Variants in RGS6 observed in about 807,000 individuals in gnomAD.
RGS6 encodes regulator of G protein signaling 6.
Under a neutral mutation model 78.5 loss-of-function variants are expected in RGS6, and 30 were observed. The observed-to-expected ratio is 0.38, with a 90% confidence interval of 0.29 to 0.52. The LOEUF is 0.52. Ranked by LOEUF, RGS6 falls within the 20% of genes least tolerant of loss-of-function variation. The pLI, the probability that RGS6 is intolerant of heterozygous loss-of-function variation, is 0.85. For synonymous variants in RGS6, 206 were observed against 206.0 expected (o/e 1.00, Z 0.00); for missense variants, 495 against 609.7 (o/e 0.81, Z 1.98).
intron 3 of RGS6, among the ~76,000 whole-genome samples, chr14:72,451,392 A>G (rs1457223251): frequency 6.6e-6 from 1 of 152,124 alleles, no homozygotes; most frequent in African/African-American, 2.4e-5. Flanking sequence ...GTAAATGCAA[A>G]CCACGGCCTG....
In RGS6 at chr14:72,034,533, T is replaced by C. The variant is rs1044246590; in HGVS notation, c.84+69658T>C. On this transcript the variant is annotated intron_variant, in intron 2 of 17. Coordinates refer to ENST00000553525, the MANE Select transcript of RGS6 (RefSeq NM_001204424.2). ...AGGAATATATCCCACTTGGTCATGATGTATAATTACTTTAATGTGCTATTG... is the reference window on the plus strand; with the variant it reads ...AGGAATATATCCCACTTGGTCATGACGTATAATTACTTTAATGTGCTATTG... Among the ~76,000 whole-genome samples the C allele has an allele frequency of 2.0e-5, 3 of 152,296 alleles. No individual in the cohort carries two copies. In the East Asian group the frequency reaches 5.8e-4, roughly 29 times the overall value.
intron 3 of RGS6, among the ~76,000 whole-genome samples, chr14:72,417,053 G>T (rs1342651205): frequency 6.6e-6 from 1 of 152,136 alleles, no homozygotes; most frequent in African/African-American, 2.4e-5. Context: ...GCCACCACAG[G>T]CAGGTCAGTG....
chr14:72,385,847 C>A (rs73293037), intron 3 of RGS6, among the ~76,000 whole-genome samples: 2,392 of 152,292 alleles, frequency 0.016, 73 homozygotes, highest in African/African-American at 0.054. Context: ...TTTAATTTGT[C>A]AATATAGCCC....
rs556923194 is a variant in RGS6, at chr14:72,208,389, A to G, written c.85-143706A>G. On this transcript the variant is annotated intron_variant, in intron 2 of 17. Coordinates refer to ENST00000553525, the MANE Select transcript of RGS6 (RefSeq NM_001204424.2). ...CGATGCCTGACCAGCTCTTCCTCCA[A>G]TTCCTCAGTCGTTTGAGCCAAAATA... Among the ~76,000 whole-genome samples the G allele has an allele frequency of 3.7e-4, 56 of 152,280 alleles. 1 individual carries two copies. In the South Asian group the frequency reaches 0.011, roughly 30 times the overall value.
the RGS6 span, among the ~76,000 whole-genome samples, chr14:72,578,062 T>G: frequency 6.6e-6 from 1 of 152,172 alleles, no homozygotes; most frequent in Non-Finnish European, 1.5e-5. Flanking sequence ...TGAAATGAAC[T>G]GACCTTCCCT....
At chr14:72,483,671 G>A (rs1259555566) in intron 12 of RGS6, among the ~76,000 whole-genome samples, 1 of 151,922 alleles carries the variant, frequency 6.6e-6, no homozygotes, top group Non-Finnish European at 1.5e-5. Context: ...CAGAAACCAT[G>A]GGGTCTTTGC....
chr14:72,239,848 A>G (rs941392177), intron 2 of RGS6, among the ~76,000 whole-genome samples: 7 of 152,208 alleles, frequency 4.6e-5, no homozygotes, highest in African/African-American at 1.4e-4. Flanking sequence ...ATGCTAATTA[A>G]TGAACTATCT....
At chr14:72,070,097 A>G (rs10148958) in intron 2 of RGS6, among the ~76,000 whole-genome samples, 143,944 of 152,204 alleles carry the variant, frequency 0.95, 68,091 homozygotes, top group Middle Eastern at 0.97. Flanking sequence ...TTGTTAGTGT[A>G]TCTGATTTGC....
chr14:72,103,360 A>G (rs2095565959), intron 2 of RGS6, among the ~76,000 whole-genome samples: 1 of 152,244 alleles, frequency 6.6e-6, no homozygotes, highest in Non-Finnish European at 1.5e-5. Flanking sequence ...TGATTTTTAA[A>G]TTAACTTTTT....
chr14:72,206,092 CAACTT>C (rs1484286270), intron 2 of RGS6, among the ~76,000 whole-genome samples: 2 of 152,052 alleles, frequency 1.3e-5, no homozygotes, highest in African/African-American at 2.4e-5. Context: ...ACGTTGGAAA[CAACTT>C]AAATGTATGT....
At chr14:72,577,058 T>C in the RGS6 span, among the ~76,000 whole-genome samples, 1 of 152,200 alleles carries the variant, frequency 6.6e-6, no homozygotes. Context: ...GCACCCCATT[T>C]TAGCTACTAA....
chr14:72,011,970 A>T (rs977952359), intron 2 of RGS6, among the ~76,000 whole-genome samples: 4 of 152,314 alleles, frequency 2.6e-5, no homozygotes, highest in Non-Finnish European at 5.9e-5. Flanking sequence ...TTAAGTGTAT[A>T]TGAAGTTAAG....
In RGS6 at chr14:72,063,921, A is replaced by G. The variant is rs138591250; in HGVS notation, c.84+99046A>G. Reference sequence around the variant, plus strand: ...AGTGTAAGTTGGCCAAGAAAGTGTAATAAGATTGCTGAGCAGAACTGAAAG... The same window carrying G: ...AGTGTAAGTTGGCCAAGAAAGTGTAGTAAGATTGCTGAGCAGAACTGAAAG... On this transcript the variant is annotated intron_variant, in intron 2 of 17. Coordinates refer to ENST00000553525, the MANE Select transcript of RGS6 (RefSeq NM_001204424.2). Among the ~76,000 whole-genome samples, 362 of 152,218 alleles carry G rather than the reference A, an allele frequency of 2.4e-3. 3 individuals are homozygous for G. Among genetic ancestry groups the G allele is most frequent in the African/African-American group, 8.4e-3 (348 of 41,538 alleles).
intron 2 of RGS6, chr14:71,990,468 G>A: frequency 2.6e-6 from 1 of 381,364 alleles, no homozygotes; most frequent in South Asian, 2.0e-5. Context: ...TGGGACATGG[G>A]AATATGTTAT....
chr14:72,498,816 G>A (rs1263766876), intron 13 of RGS6, among the ~76,000 whole-genome samples: 4 of 152,202 alleles, frequency 2.6e-5, no homozygotes, highest in Non-Finnish European at 5.9e-5. Flanking sequence ...AGAAGTCCTG[G>A]TTTGGTTCAC....
At chr14:72,253,834 A>G (rs946763794) in intron 2 of RGS6, among the ~76,000 whole-genome samples, 1 of 152,204 alleles carries the variant, frequency 6.6e-6, no homozygotes, top group Non-Finnish European at 1.5e-5. Flanking sequence ...ATTGTTTAAA[A>G]CCACTAAGAT....
intron 2 of RGS6, among the ~76,000 whole-genome samples, chr14:72,211,411 TGAG>T (rs766827404): frequency 6.6e-6 from 1 of 152,186 alleles, no homozygotes; most frequent in Non-Finnish European, 1.5e-5. Flanking sequence ...ACTGGTAGGT[TGAG>T]GAAGGAGTGG....
At chr14:72,430,337 C>G (rs1597401956) in intron 3 of RGS6, among the ~76,000 whole-genome samples, 1 of 152,242 alleles carries the variant, frequency 6.6e-6, no homozygotes, top group Non-Finnish European at 1.5e-5. Context: ...TAACTTGCCT[C>G]TTTCTTCACC....
At chr14:72,591,257 G>T in the RGS6 span, among the ~76,000 whole-genome samples, 618 of 152,262 alleles carry the variant, frequency 4.1e-3, 6 homozygotes, top group African/African-American at 0.014. Context: ...AATGATATCT[G>T]AAATGAAGTG....
Sources: gnomAD v4.1 joint callset for allele counts (sites outside exome capture counted in the v4.1 genomes callset) on GRCh38, gnomAD v4.1.1 for gene constraint, MANE v1.5 for transcripts, NCBI Gene and HGNC (gene_info 2026-07-23, HGNC 2026-07-21) for gene names.